SORCS2: variants seen among roughly 807,000 people sequenced by gnomAD.
SORCS2 encodes VPS10 domain-containing receptor SorCS2.
In SORCS2, 100 loss-of-function variants were observed where a neutral mutation model predicts 141.6. The ratio of observed to expected loss-of-function variants is 0.71; its 90% CI spans 0.60 to 0.83. SORCS2 has a LOEUF of 0.83. Among genes scored for constraint, SORCS2 ranks in the 40% least tolerant of loss-of-function variants. The probability of loss-of-function intolerance (pLI) is 0.00; values close to 1 mark genes in which losing one functional copy is unlikely to be tolerated. For missense variants in SORCS2, 1,646 were observed against 1,560.2 expected (o/e 1.05, Z -0.93); for synonymous variants, 789 against 676.9 (o/e 1.17, Z -2.57).
In SORCS2 at chr4:7,663,343, T is replaced by G. The variant is rs1414029938; in HGVS notation, c.953-1010T>G. ...GTGAGTGAGTGATTGAGTGAGTGAG[T>G]GAGTGAGTCAGTCAGTCAGTAGACT... On this transcript the variant is annotated intron_variant, in intron 6 of 26. Coordinates refer to ENST00000507866, the MANE Select transcript of SORCS2 (RefSeq NM_020777.3). This position sits in a 1 kb window ranked among gnomAD's most constrained non-coding sequence, Gnocchi z 4.8. Among the ~76,000 whole-genome samples, 1 of 152,136 alleles carries G rather than the reference T, an allele frequency of 6.6e-6. No homozygotes were observed. The highest frequency in any genetic ancestry group is 2.4e-5 in the African/African-American group (1 of 41,406).
chr4:7,628,592 C>T (rs1339467167), intron 3 of SORCS2, among the ~76,000 whole-genome samples: 1 of 151,520 alleles, frequency 6.6e-6, no homozygotes, highest in Non-Finnish European at 1.5e-5. Context: ...GAGCTCGTGG[C>T]CTGAGCACCG....
chr4:7,388,339 C>T (rs1577485384), intron 1 of SORCS2, among the ~76,000 whole-genome samples: 2 of 152,276 alleles, frequency 1.3e-5, no homozygotes, highest in East Asian at 3.9e-4. Context: ...GAGAGCTGGT[C>T]CTGGGTGGTT....
In SORCS2 at chr4:7,271,544, C is replaced by T. The variant is rs1715130708; in HGVS notation, c.480+78418C>T. On this transcript the variant is annotated intron_variant, in intron 1 of 26. Coordinates refer to ENST00000507866, the MANE Select transcript of SORCS2 (RefSeq NM_020777.3). ...CTACTCATCTAAGATGTCAACACCCCCAGCCCTTTCTCACGTTTCTTTCCA... is the reference window on the plus strand; with the variant it reads ...CTACTCATCTAAGATGTCAACACCCTCAGCCCTTTCTCACGTTTCTTTCCA... 2.0e-5 allele frequency among the ~76,000 whole-genome samples: 3 copies of T among 152,230 alleles called. No individual in the cohort carries two copies. In the South Asian group the frequency reaches 6.2e-4, roughly 32 times the overall value.
chr4:7,579,573 T>G (rs938091469), intron 3 of SORCS2, among the ~76,000 whole-genome samples: 1 of 152,166 alleles, frequency 6.6e-6, no homozygotes, highest in African/African-American at 2.4e-5. Context: ...CTACTCATCT[T>G]GTAGGGCCTG....
intron 14 of SORCS2, among the ~76,000 whole-genome samples, chr4:7,712,199 T>C (rs1200330082): frequency 6.6e-6 from 1 of 152,248 alleles, no homozygotes; most frequent in Non-Finnish European, 1.5e-5. Flanking sequence ...TGACTTGTTA[T>C]TTCTCTTTGA....
intron 1 of SORCS2, among the ~76,000 whole-genome samples, chr4:7,342,768 A>G (rs2108991874): frequency 6.6e-6 from 1 of 152,344 alleles, no homozygotes; most frequent in Admixed American, 6.5e-5. Context: ...TGAGAGGGGT[A>G]ATTGGCCGCT....
intron 2 of SORCS2, among the ~76,000 whole-genome samples, chr4:7,440,279 A>T (rs1055026822): frequency 6.6e-6 from 1 of 152,130 alleles, no homozygotes; most frequent in African/African-American, 2.4e-5. Context: ...CAAAGAGGGG[A>T]GCTCTCTCCC....
intron 10 of SORCS2, among the ~76,000 whole-genome samples, chr4:7,687,751 C>T (rs1723967039): frequency 6.6e-6 from 1 of 152,166 alleles, no homozygotes; most frequent in South Asian, 2.1e-4. Flanking sequence ...CACAGTTCAC[C>T]TTTCAAATGC....
chr4:7,415,213 T>C (rs1725586963), intron 2 of SORCS2, among the ~76,000 whole-genome samples: 1 of 152,172 alleles, frequency 6.6e-6, no homozygotes, highest in African/African-American at 2.4e-5. Flanking sequence ...ACATAGGACT[T>C]GAAGCAACAC....
At chr4:7,588,651 A>G (rs906975352) in intron 3 of SORCS2, among the ~76,000 whole-genome samples, 1 of 152,136 alleles carries the variant, frequency 6.6e-6, no homozygotes, top group African/African-American at 2.4e-5. Flanking sequence ...AATCCTTGTA[A>G]AGGCGTTTTG....
chr4:7,674,384 T>TA (rs1722973835), intron 8 of SORCS2, among the ~76,000 whole-genome samples: 1 of 151,812 alleles, frequency 6.6e-6, no homozygotes, highest in Admixed American at 6.6e-5. Flanking sequence ...CCATCCTGGC[T>TA]AACACAGTGA....
intron 1 of SORCS2, among the ~76,000 whole-genome samples, chr4:7,222,190 G>A (rs1479027984): frequency 6.6e-6 from 1 of 152,158 alleles, no homozygotes; most frequent in African/African-American, 2.4e-5. Context: ...ACGAAAACCC[G>A]TGTCTCTGCT....
At chr4:7,641,140 T>C (rs1437921144) in intron 4 of SORCS2, among the ~76,000 whole-genome samples, 2 of 152,206 alleles carry the variant, frequency 1.3e-5, no homozygotes, top group East Asian at 3.8e-4. Context: ...TTCCTGTGCC[T>C]CTCTTTCTCA....
chr4:7,433,607 C>T, intron 2 of SORCS2: 2 of 1,611,542 alleles, frequency 1.2e-6, no homozygotes, highest in Non-Finnish European at 1.7e-6. Flanking sequence ...CTGCAGCCAC[C>T]CTTGAAGGCC....
chr4:7,248,288 G>A (rs1713260667), intron 1 of SORCS2, among the ~76,000 whole-genome samples: 1 of 152,010 alleles, frequency 6.6e-6, no homozygotes. Flanking sequence ...CTCTACACAC[G>A]CTAAGGTTCC....
chr4:7,392,189 C>T (rs982361968), intron 1 of SORCS2, among the ~76,000 whole-genome samples: 1 of 152,194 alleles, frequency 6.6e-6, no homozygotes, highest in African/African-American at 2.4e-5. Flanking sequence ...TCTCACTGGG[C>T]TAAGGAAGGT....
Position 7,539,404 on chromosome 4 carries a change from G to C in SORCS2, c.648+7775G>C, listed in dbSNP as rs547573401. Among the ~76,000 whole-genome samples the C allele has an allele frequency of 1.4e-3, 218 of 152,324 alleles. 1 individual carries two copies. The highest frequency in any genetic ancestry group is 2.4e-3 in the Non-Finnish European group (166 of 68,028). On this transcript the variant is annotated intron_variant, in intron 3 of 26. Coordinates refer to ENST00000507866, the MANE Select transcript of SORCS2 (RefSeq NM_020777.3). The stretch of plus-strand genomic sequence containing the variant: ...GAGCCAAGTCCCAGGCTCCTCTTGA[G>C]GCTGTGCCCATGTCCGCTTCCTGTG...
chr4:7,551,033 C>A (rs1713658119), intron 3 of SORCS2, among the ~76,000 whole-genome samples: 1 of 152,176 alleles, frequency 6.6e-6, no homozygotes. Context: ...GTGCCTTGGC[C>A]TGATCTTTCC....
At chr4:7,581,719 C>A (rs1410951987) in intron 3 of SORCS2, among the ~76,000 whole-genome samples, 1 of 152,166 alleles carries the variant, frequency 6.6e-6, no homozygotes, top group African/African-American at 2.4e-5. Context: ...TTAGGGTCCC[C>A]CACAGCTCTA....
Sources: gnomAD v4.1 joint callset for allele counts (sites outside exome capture counted in the v4.1 genomes callset) on GRCh38, gnomAD v4.1.1 for gene constraint, Gnocchi (gnomAD v3.1) non-coding constraint, MANE v1.5 for transcripts, NCBI Gene and HGNC (gene_info 2026-07-23, HGNC 2026-07-21) for gene names.